UBOX5: variants seen among roughly 807,000 people sequenced by gnomAD.
UBOX5 encodes U-box domain containing 5.
A neutral mutation model predicts 39.0 loss-of-function variants in UBOX5; 28 were observed. That is an observed-to-expected ratio of 0.72 (90% CI 0.53 to 0.98). The LOEUF is 0.98. Among genes scored for constraint, UBOX5 ranks in the 50% least tolerant of loss-of-function variants. The probability of loss-of-function intolerance (pLI) is 0.00; values close to 1 mark genes in which losing one functional copy is unlikely to be tolerated. For synonymous variants in UBOX5, 283 were observed against 275.5 expected, an observed-to-expected ratio of 1.03 and a Z score of -0.27; for missense variants, 585 against 674.4, an observed-to-expected ratio of 0.87 and a Z score of 1.47.
chr20:3,147,637 G>T (rs2066580022), intron 1 of UBOX5: 1 of 1,614,200 alleles, frequency 6.2e-7, no homozygotes, highest in Non-Finnish European at 8.5e-7. Flanking sequence ...AAAATGCCAG[G>T]CCCAGCAGGC....
chr20:3,140,018 T>C (rs2066503898), intron 1 of UBOX5, among the ~76,000 whole-genome samples: 4 of 105,556 alleles, frequency 3.8e-5, no homozygotes, highest in Admixed American at 3.5e-4. Flanking sequence ...TTTTTACTTT[T>C]TTTTTTTTTT....
intron 1 of UBOX5, among the ~76,000 whole-genome samples, chr20:3,133,888 G>T (rs2066449226): frequency 1.3e-5 from 2 of 152,006 alleles, no homozygotes; most frequent in South Asian, 4.2e-4. Context: ...GAGTATCTGG[G>T]ACTACAGGCG....
At chr20:3,154,349 T>C (rs1017604032) in intron 1 of UBOX5, among the ~76,000 whole-genome samples, 1 of 152,180 alleles carries the variant, frequency 6.6e-6, no homozygotes, top group Non-Finnish European at 1.5e-5. Context: ...ACAAAAATTA[T>C]TAATGCCAGG....
rs115098595 is a variant in UBOX5 at position 3,109,612 on chromosome 20, A to G, written c.*494T>C. ...ACTCCACCAGGAGGAAACCCACAGC[A>G]GACGTCAACCATCGCTTTATTAAGG... On this transcript the variant is annotated 3_prime_UTR_variant, in exon 5 of 5. Transcript: ENST00000217173. The G allele has an allele frequency of 0.016, 2,914 of 179,218 alleles. 105 individuals are homozygous for G. The highest frequency in any genetic ancestry group is 0.064 in the African/African-American group (2,740 of 42,500). The allele number at this position is 179,218 out of a possible 1,614,324, so 11.1% of individuals were successfully genotyped here.
rs531325986 is a variant in UBOX5, at chr20:3,125,071, G to C, written c.-41-1665C>G. 1.6e-4 allele frequency among the ~76,000 whole-genome samples: 23 copies of C among 145,834 alleles called. No homozygotes were observed. In the South Asian group the frequency reaches 3.3e-3, roughly 21 times the overall value. On this transcript the variant is annotated intron_variant, in intron 1 of 4. Transcript: ENST00000217173. Reference sequence around the variant, plus strand: ...GGTAAGTGAGGAGCATCTCTGCCTGGCCGCCCCATCTGGGAAGTGGGGAGT... The same window carrying C: ...GGTAAGTGAGGAGCATCTCTGCCTGCCCGCCCCATCTGGGAAGTGGGGAGT...
chr20:3,126,686 A>C (rs1239116009), intron 1 of UBOX5, among the ~76,000 whole-genome samples: 6 of 151,198 alleles, frequency 4.0e-5, no homozygotes, highest in African/African-American at 1.5e-4. Context: ...AGAGGGAGGG[A>C]GGGAAGAAAG....
chr20:3,140,785 G>A (rs1433151241), intron 1 of UBOX5, among the ~76,000 whole-genome samples: 1 of 151,538 alleles, frequency 6.6e-6, no homozygotes, highest in Non-Finnish European at 1.5e-5. Context: ...ATTGCATGAT[G>A]CTTAAGGTTT....
In UBOX5 at chr20:3,122,000, G is replaced by A. The variant is rs1185165233; in HGVS notation, c.639C>T (p.Thr213=). Residue 213 remains threonine, a synonymous_variant, in exon 3 of 5, where the codon ACC becomes ACT. Coordinates refer to ENST00000217173, the MANE Select transcript of UBOX5 (RefSeq NM_014948.4). ...CCACATCCTGAGGCAGGTTCTCTGA[G>A]GTGACCAGCAGGATGCTGTCTATCA... The part of the protein sequence containing the change: ...QEVIDSILLV[T]SENLPQDVAL... 8.7e-6 allele frequency: 14 copies of A among 1,614,180 alleles called. No homozygotes were observed. The highest frequency in any genetic ancestry group is 1.1e-5 in the Non-Finnish European group (13 of 1,180,040).
Position 3,110,102 on chromosome 20 carries a change from T to C in UBOX5, c.*4A>G. The C allele has an allele frequency of 6.2e-7, 1 of 1,610,686 alleles. No individual in the cohort carries two copies. The highest frequency in any genetic ancestry group is 8.5e-7 in the Non-Finnish European group (1 of 1,179,994). On this transcript the variant is annotated 3_prime_UTR_variant, in exon 5 of 5. Transcript: ENST00000217173. ...ATGGGTCTCCTCCAGTGGAGGTCAG[T>C]CACTCAGAAGTGGACCCGCAGCACG...
intron 1 of UBOX5, among the ~76,000 whole-genome samples, chr20:3,143,369 TG>T (rs1262282351): frequency 2.6e-5 from 4 of 152,130 alleles, no homozygotes; most frequent in African/African-American, 9.7e-5. Flanking sequence ...CCCAGAGTGC[TG>T]GGATTACAGG....
At chr20:3,150,778 C>T (rs543816444) in intron 1 of UBOX5, 1 of 152,354 alleles carries the variant, frequency 6.6e-6, no homozygotes, top group East Asian at 1.9e-4. Flanking sequence ...GCTACACAGG[C>T]TTCTCTAGAT....
intron 1 of UBOX5, among the ~76,000 whole-genome samples, chr20:3,146,067 C>T (rs1033407238): frequency 8.0e-5 from 12 of 149,610 alleles, no homozygotes; most frequent in South Asian, 2.1e-4. Context: ...AAAGGCCAGA[C>T]GCGGTGGCTC....
At chr20:3,144,531 G>C (rs998195324) in intron 1 of UBOX5, among the ~76,000 whole-genome samples, 3 of 152,084 alleles carry the variant, frequency 2.0e-5, no homozygotes, top group African/African-American at 7.2e-5. Flanking sequence ...TATGAGAAAA[G>C]ACATAGGGGT....
At chr20:3,132,023 A>AC (rs2066433076) in intron 1 of UBOX5, among the ~76,000 whole-genome samples, 1 of 149,238 alleles carries the variant, frequency 6.7e-6, no homozygotes, top group South Asian at 2.1e-4. Context: ...AAAAAAAAAA[A>AC]AAAAAACTGG....
At chr20:3,118,719 C>T (rs777224547) in intron 3 of UBOX5, among the ~76,000 whole-genome samples, 1 of 152,034 alleles carries the variant, frequency 6.6e-6, no homozygotes, top group African/African-American at 2.4e-5. Context: ...TGGCAGTGAG[C>T]CAAGATCGCG....
intron 1 of UBOX5, among the ~76,000 whole-genome samples, chr20:3,145,863 T>G (rs2066556659): frequency 2.0e-5 from 3 of 151,934 alleles, no homozygotes; most frequent in African/African-American, 7.3e-5. Context: ...CTGAACAACA[T>G]GGTGAAACCC....
At chr20:3,146,105 C>T (rs547714670) in intron 1 of UBOX5, among the ~76,000 whole-genome samples, 6 of 151,418 alleles carry the variant, frequency 4.0e-5, no homozygotes, top group Non-Finnish European at 8.8e-5. Context: ...ATTTGGGAGG[C>T]CAAGGCAGGC....
chr20:3,147,594 C>A lies in UBOX5; in HGVS notation c.-42+12172G>T, dbSNP rs375315997. 2.7e-5 allele frequency: 43 copies of A among 1,614,128 alleles called. No homozygotes were observed. In the African/African-American group the frequency reaches 5.6e-4, roughly 21 times the overall value. ...AACCTGACAAACCCTGGACTGAGAG[C>A]GAAATCAATTAACTCTACTGGAAAG... On this transcript the variant is annotated intron_variant, in intron 1 of 4. Transcript: ENST00000217173.
At chr20:3,128,473 C>A (rs1440356136) in intron 1 of UBOX5, among the ~76,000 whole-genome samples, 3 of 152,200 alleles carry the variant, frequency 2.0e-5, no homozygotes, top group African/African-American at 7.2e-5. Context: ...TGGCCCCAGG[C>A]AGATGGCTGA....
Sources: gnomAD v4.1 joint callset for allele counts (sites outside exome capture counted in the v4.1 genomes callset) on GRCh38, gnomAD v4.1.1 for gene constraint, MANE v1.5 for transcripts, NCBI Gene and HGNC (gene_info 2026-07-23, HGNC 2026-07-21) for gene names.